Variants in DLGAP2 observed in about 807,000 individuals in gnomAD.
DLGAP2 encodes DLG associated protein 2.
Under a neutral mutation model 100.3 loss-of-function variants are expected in DLGAP2, and 26 were observed. The ratio of observed to expected loss-of-function variants is 0.26; its 90% CI spans 0.19 to 0.36. The LOEUF is 0.36. DLGAP2 is among the 10% of genes least tolerant of loss of function. DLGAP2 has a pLI of 1.00. For synonymous variants in DLGAP2, 886 were observed against 630.1 expected (o/e 1.41, Z -6.08); for missense variants, 1,858 against 1,453.2 (o/e 1.28, Z -4.53).
chr8:1,310,851 C>A (rs1025320142), intron 3 of DLGAP2, among the ~76,000 whole-genome samples: 1 of 151,962 alleles, frequency 6.6e-6, no homozygotes, highest in Admixed American at 6.6e-5. Context: ...ATTTTAGCCA[C>A]AGTGACATTA....
intron 2 of DLGAP2, among the ~76,000 whole-genome samples, chr8:1,162,280 C>T (rs949995527): frequency 3.9e-5 from 6 of 152,190 alleles, no homozygotes; most frequent in East Asian, 1.9e-4. Flanking sequence ...TACCCTGCAC[C>T]GGCGTCTGCG....
At chr8:1,540,128 C>G (rs796381932) in intron 4 of DLGAP2, among the ~76,000 whole-genome samples, 1 of 152,242 alleles carries the variant, frequency 6.6e-6, no homozygotes, top group Non-Finnish European at 1.5e-5. Flanking sequence ...GCCTGGAACC[C>G]TCCACCCAGG....
intron 2 of DLGAP2, among the ~76,000 whole-genome samples, chr8:1,167,406 G>A (rs1194476211): frequency 1.3e-5 from 2 of 152,132 alleles, no homozygotes; most frequent in African/African-American, 2.4e-5. Context: ...GAGGGGTGAG[G>A]CTGGCAGGGC....
chr8:1,080,331 A>C lies in DLGAP2; in HGVS notation c.73+172365A>C, dbSNP rs564585598. 7.9e-5 allele frequency among the ~76,000 whole-genome samples: 12 copies of C among 152,228 alleles called. No individual in the cohort carries two copies. In the East Asian group the frequency reaches 2.3e-3, roughly 30 times the overall value. ...TCCTCCGGGGGGCCGGCCTTTCCTC[A>C]AGTGCCTTGTTAATGCTCCTGCAGC... is the stretch of plus-strand genomic sequence containing the variant. On this transcript the variant is annotated intron_variant, in intron 2 of 14. Transcript: ENST00000637795.
chr8:881,179 G>A (rs1310595046), intron 1 of DLGAP2, among the ~76,000 whole-genome samples: 2 of 152,162 alleles, frequency 1.3e-5, no homozygotes, highest in Non-Finnish European at 2.9e-5. Flanking sequence ...GGAAAGTTAA[G>A]CGACCTAGGA....
At chr8:1,211,013 G>A (rs981569170) in intron 2 of DLGAP2, among the ~76,000 whole-genome samples, 3 of 152,238 alleles carry the variant, frequency 2.0e-5, no homozygotes, top group Non-Finnish European at 4.4e-5. Context: ...AGGACAGACA[G>A]CCCACACCAG....
chr8:787,657 C>T (rs1391167103), intron 1 of DLGAP2, among the ~76,000 whole-genome samples: 1 of 152,190 alleles, frequency 6.6e-6, no homozygotes, highest in African/African-American at 2.4e-5. Flanking sequence ...CCCCCTTGGC[C>T]TTGTCTTGCT....
Position 1,667,035 on chromosome 8 carries a change from C to G in DLGAP2, c.1811-1294C>G, listed in dbSNP as rs550703305. The stretch of plus-strand genomic sequence containing the variant: ...CCCACGTGCGCACTCACCTACGTCA[C>G]AAGCAGCCTGGCAGTGCCTCCCACT... On this transcript the variant is annotated intron_variant, in intron 8 of 14. Transcript: ENST00000637795. Among the ~76,000 whole-genome samples the G allele has an allele frequency of 3.3e-5, 5 of 152,336 alleles. No homozygotes were observed. In the South Asian group the frequency reaches 1.0e-3, roughly 32 times the overall value.
chr8:1,408,420 C>G (rs535081780), intron 3 of DLGAP2, among the ~76,000 whole-genome samples: 2 of 147,230 alleles, frequency 1.4e-5, no homozygotes, highest in African/African-American at 5.0e-5. Flanking sequence ...GTTAGTTCAC[C>G]TGGGGCCTTG....
intron 6 of DLGAP2, among the ~76,000 whole-genome samples, chr8:1,612,472 T>C (rs1797011767): frequency 6.9e-6 from 1 of 144,050 alleles, no homozygotes; most frequent in South Asian, 2.4e-4. Context: ...ATTCAGGACA[T>C]AGGCATGGGC....
chr8:1,072,998 AC>A (rs1470082373), intron 2 of DLGAP2, among the ~76,000 whole-genome samples: 5 of 151,658 alleles, frequency 3.3e-5, no homozygotes, highest in African/African-American at 1.2e-4. Flanking sequence ...ACTAATTATC[AC>A]TCCCCATTTG....
At chr8:786,832 G>T (rs1289839981) in intron 1 of DLGAP2, among the ~76,000 whole-genome samples, 1 of 151,734 alleles carries the variant, frequency 6.6e-6, no homozygotes, top group Non-Finnish European at 1.5e-5. Context: ...CAGCGTCTCA[G>T]TGAGACCTGT....
chr8:783,440 A>G lies in DLGAP2; in HGVS notation c.18+45615A>G, dbSNP rs528212962. Among the ~76,000 whole-genome samples, 128 of 152,334 alleles carry G rather than the reference A, an allele frequency of 8.4e-4. 1 individual carries two copies. Among genetic ancestry groups the G allele is most frequent in the African/African-American group, 3.0e-3 (126 of 41,572 alleles). On this transcript the variant is annotated intron_variant, in intron 1 of 14. Transcript: ENST00000637795. ...GAAAGTATCACTTGTGACTGTTTGC[A>G]CTAGGTGCAAAAGACAGATAGTTTT...
intron 2 of DLGAP2, among the ~76,000 whole-genome samples, chr8:1,153,466 G>A (rs1027764996): frequency 9.9e-5 from 15 of 152,198 alleles, no homozygotes; most frequent in African/African-American, 2.4e-4. Context: ...CTTACCAGTC[G>A]CGTGATTATA....
chr8:1,419,441 CGT>C (rs71190735), intron 3 of DLGAP2, among the ~76,000 whole-genome samples: 26,939 of 52,142 alleles, frequency 0.52, 6,730 homozygotes, highest in Middle Eastern at 0.6. Flanking sequence ...CACTCTGATA[CGT>C]GTGTGTGTGT....
At chr8:1,341,561 G>T (rs1213583005) in intron 3 of DLGAP2, among the ~76,000 whole-genome samples, 1 of 152,216 alleles carries the variant, frequency 6.6e-6, no homozygotes, top group Non-Finnish European at 1.5e-5. Context: ...TCAGAGATGG[G>T]AAGGAGATGA....
At chr8:1,134,920 T>A (rs973004414) in intron 2 of DLGAP2, among the ~76,000 whole-genome samples, 1 of 152,188 alleles carries the variant, frequency 6.6e-6, no homozygotes, top group Non-Finnish European at 1.5e-5. Context: ...CCCTAAACAC[T>A]TGGGGGTTAC....
At chr8:1,007,239 C>G (rs1469122602) in intron 2 of DLGAP2, among the ~76,000 whole-genome samples, 1 of 152,190 alleles carries the variant, frequency 6.6e-6, no homozygotes, top group Non-Finnish European at 1.5e-5. Context: ...GTCAGTCCCA[C>G]ACTCTTCACG....
intron 1 of DLGAP2, among the ~76,000 whole-genome samples, chr8:860,023 A>C (rs1797360052): frequency 1.3e-5 from 2 of 152,294 alleles, no homozygotes; most frequent in South Asian, 4.1e-4. Flanking sequence ...AGTTACTGCT[A>C]ATTAAGATGA....
Sources: gnomAD v4.1 joint callset for allele counts (sites outside exome capture counted in the v4.1 genomes callset) on GRCh38, gnomAD v4.1.1 for gene constraint, MANE v1.5 for transcripts, NCBI Gene and HGNC (gene_info 2026-07-23, HGNC 2026-07-21) for gene names.